FILIP1L: variants seen among roughly 807,000 people sequenced by gnomAD.
The protein encoded by FILIP1L is filamin A interacting protein 1 like, also known as filamin A-interacting protein 1-like.
Under a neutral mutation model 96.6 loss-of-function variants are expected in FILIP1L, and 55 were observed. The ratio of observed to expected loss-of-function variants is 0.57; its 90% CI spans 0.46 to 0.71. FILIP1L has a LOEUF of 0.71. Among genes scored for constraint, FILIP1L ranks in the 30% least tolerant of loss-of-function variants. The pLI, the probability that FILIP1L is intolerant of heterozygous loss-of-function variation, is 0.00. For missense variants in FILIP1L, 1,304 were observed against 1,321.2 expected (o/e 0.99, Z 0.20); for synonymous variants, 467 against 473.9 (o/e 0.99, Z 0.19).
intron 1 of FILIP1L, among the ~76,000 whole-genome samples, chr3:100,094,998 T>G (rs2066179803): frequency 6.6e-6 from 1 of 152,146 alleles, no homozygotes; most frequent in African/African-American, 2.4e-5. Context: ...AAAAGCTGTC[T>G]TTTGTTGGCT....
chr3:100,067,985 C>G (rs2065694753), intron 1 of FILIP1L, among the ~76,000 whole-genome samples: 1 of 152,116 alleles, frequency 6.6e-6, no homozygotes, highest in Non-Finnish European at 1.5e-5. Context: ...CAAGGCACCT[C>G]CAAGAACCCT....
At chr3:100,032,323 ACT>A (rs1223366918) in intron 1 of FILIP1L, among the ~76,000 whole-genome samples, 1 of 152,184 alleles carries the variant, frequency 6.6e-6, no homozygotes, top group Non-Finnish European at 1.5e-5. Context: ...ATTTTGATTT[ACT>A]CTCTTAAGAT....
intron 1 of FILIP1L, among the ~76,000 whole-genome samples, chr3:99,935,101 A>G (rs1188095398): frequency 6.6e-6 from 1 of 152,170 alleles, no homozygotes; most frequent in Non-Finnish European, 1.5e-5. Context: ...CTAGAGGAAG[A>G]AAACAAAGAC....
At chr3:100,002,213 C>A (rs1261852630) in intron 1 of FILIP1L, among the ~76,000 whole-genome samples, 1 of 152,190 alleles carries the variant, frequency 6.6e-6, no homozygotes, top group African/African-American at 2.4e-5. Flanking sequence ...GGGTAAATCA[C>A]GCACAGACTG....
intron 4 of FILIP1L, among the ~76,000 whole-genome samples, chr3:99,920,430 C>T (rs1707089005): frequency 6.6e-6 from 1 of 152,178 alleles, no homozygotes; most frequent in Admixed American, 6.5e-5. Flanking sequence ...AAATTATTGG[C>T]ATTGCTTTTG....
Position 99,850,721 on chromosome 3 carries a change from G to T in FILIP1L, c.955C>A (p.Gln319Lys), listed in dbSNP as rs754226178. The T allele has an allele frequency of 6.2e-7, 1 of 1,614,174 alleles. No individual in the cohort carries two copies. The highest frequency in any genetic ancestry group is 8.5e-7 in the Non-Finnish European group (1 of 1,180,034). The change falls in exon 5 of 6, where the codon CAA (glutamine) becomes AAA (lysine). Residue 319 changes from glutamine (Q) to lysine (K), a missense_variant. Coordinates refer to ENST00000477258, the MANE Select transcript of FILIP1L (RefSeq NM_001387850.1). ...AGCTTTTGTTGAAGCTGGCGATTTT[G>T]ACTGTCCTCATTGGTGAGCTTCGCC... ...IMAKLTNEDS[Q>K]NRQLQQKLAA... is the part of the protein sequence containing the mutation.
At chr3:99,888,712 T>C (rs964355112) in intron 4 of FILIP1L, among the ~76,000 whole-genome samples, 3 of 152,344 alleles carry the variant, frequency 2.0e-5, no homozygotes, top group African/African-American at 7.2e-5. Flanking sequence ...TTTGTAGAGA[T>C]ATGAACACTT....
chr3:100,100,327 A>G (rs140575265), intron 1 of FILIP1L, among the ~76,000 whole-genome samples: 19 of 152,256 alleles, frequency 1.2e-4, no homozygotes, highest in Non-Finnish European at 2.1e-4. Flanking sequence ...AAATAGCAAT[A>G]TTTGTCATTT....
intron 1 of FILIP1L, among the ~76,000 whole-genome samples, chr3:100,036,269 C>T (rs1433328263): frequency 1.3e-5 from 2 of 152,110 alleles, no homozygotes; most frequent in African/African-American, 4.8e-5. Flanking sequence ...CTAAGAGGAA[C>T]AAAGCCTTCT....
At chr3:100,040,790 A>T (rs2065191810) in intron 1 of FILIP1L, 1 of 152,196 alleles carries the variant, frequency 6.6e-6, no homozygotes, top group Non-Finnish European at 1.5e-5. Context: ...CATCACAGCC[A>T]AGTTGACATT....
At chr3:100,029,312 G>GTT (rs1237618377) in intron 1 of FILIP1L, among the ~76,000 whole-genome samples, 1 of 151,866 alleles carries the variant, frequency 6.6e-6, no homozygotes, top group Non-Finnish European at 1.5e-5. Flanking sequence ...GAAAAGCTTT[G>GTT]TTTTAGTCAC....
intron 1 of FILIP1L, among the ~76,000 whole-genome samples, chr3:99,976,448 C>T (rs905567971): frequency 1.3e-5 from 2 of 152,140 alleles, no homozygotes; most frequent in Admixed American, 6.5e-5. Flanking sequence ...AGTAACCCCC[C>T]AAGAGAATTG....
chr3:100,018,735 C>CAAAAAA, intron 1 of FILIP1L, among the ~76,000 whole-genome samples: 1 of 120,208 alleles, frequency 8.3e-6, no homozygotes, highest in Admixed American at 8.3e-5. Context: ...TTCCGCATAG[C>CAAAAAA]AAAAAAAAAA....
chr3:99,958,171 C>T (rs1049414941), intron 1 of FILIP1L, among the ~76,000 whole-genome samples: 1 of 148,608 alleles, frequency 6.7e-6, no homozygotes, highest in Non-Finnish European at 1.5e-5. Flanking sequence ...CTGCAGCTAT[C>T]AACCCATCAC....
intron 4 of FILIP1L, among the ~76,000 whole-genome samples, chr3:99,903,606 A>C (rs889944394): frequency 4.2e-4 from 64 of 152,112 alleles, no homozygotes; most frequent in Admixed American, 4.2e-3. Flanking sequence ...AAAAAAAAGT[A>C]GGTTTAGAAG....
Position 99,949,493 on chromosome 3 carries a change from C to T in FILIP1L, c.-10-18463G>A, listed in dbSNP as rs75217703. Among the ~76,000 whole-genome samples the T allele has an allele frequency of 5.5e-3, 831 of 152,286 alleles. 5 individuals carry two copies. The highest frequency in any genetic ancestry group is 9.7e-3 in the Non-Finnish European group (661 of 68,014). On this transcript the variant is annotated intron_variant, in intron 1 of 5. Transcript: ENST00000477258. ...TCTGTGCTTCCACGTATAGTCCCAC[C>T]TTTCAACAGGCAATTTTACTCGCAG...
intron 1 of FILIP1L, among the ~76,000 whole-genome samples, chr3:99,961,250 T>TC (rs1252938202): frequency 2.6e-5 from 4 of 152,206 alleles, no homozygotes; most frequent in Non-Finnish European, 5.9e-5. Flanking sequence ...GCAGGTGTTA[T>TC]CCCCTGTGTT....
chr3:100,102,273 C>A (rs907113569), intron 1 of FILIP1L, among the ~76,000 whole-genome samples: 3 of 152,158 alleles, frequency 2.0e-5, no homozygotes, highest in African/African-American at 7.2e-5. Flanking sequence ...CACATCCTCT[C>A]CAGCACCTGT....
At chr3:100,027,765 T>C (rs1012313530) in intron 1 of FILIP1L, among the ~76,000 whole-genome samples, 2 of 152,054 alleles carry the variant, frequency 1.3e-5, no homozygotes, top group African/African-American at 2.4e-5. Context: ...CAACACAGAG[T>C]TTAGAACTGG....
Sources: allele counts gnomAD v4.1 joint callset (sites outside exome capture counted in the v4.1 genomes callset), GRCh38; gene constraint gnomAD v4.1.1; transcripts MANE v1.5; gene names NCBI Gene and HGNC (gene_info 2026-07-23, HGNC 2026-07-21).